The following ZNF835 variants were observed in gnomAD, a reference collection of about 807,000 sequenced individuals.
ZNF835 encodes zinc finger protein 835.
For synonymous variants in ZNF835, 323 were observed against 324.7 expected, an observed-to-expected ratio of 0.99 and a Z score of 0.06; for missense variants, 783 against 758.4, an observed-to-expected ratio of 1.03 and a Z score of -0.38.
chr19:56,664,670 G>A lies in ZNF835; in HGVS notation c.529C>T (p.Gln177Ter), dbSNP rs1337645295. The change falls in exon 2 of 2, where the codon CAG (glutamine) becomes TAG (stop). Residue 177 changes from glutamine (Q) to a stop codon, truncating the protein, a stop_gained. Transcript: ENST00000537055. LOFTEE classifies it low-confidence loss of function (END_TRUNC). ...ACHECGKAFS[Q>*]GSYLASHWRT... ...CAGTGGGACGCCAGGTACGAGCCCT[G>A]GCTGAAGGCCTTGCCGCACTCGTGG... is the stretch of plus-strand genomic sequence containing the variant. The A allele has an allele frequency of 1.9e-6, 3 of 1,611,598 alleles. No homozygotes were observed. In the Middle Eastern group the frequency reaches 5.0e-4, roughly 266 times the overall value.
chr19:56,667,318 G>A (rs914105591), intron 1 of ZNF835, among the ~76,000 whole-genome samples: 2 of 152,214 alleles, frequency 1.3e-5, no homozygotes, highest in Non-Finnish European at 2.9e-5. Flanking sequence ...TGACCTCCTG[G>A]TGCTGAGAGA....
rs533221329 is a variant in ZNF835 at position 56,664,960 on chromosome 19, G to C, written c.239C>G (p.Ser80Cys). The C allele has an allele frequency of 1.2e-6, 2 of 1,614,050 alleles. No individual in the cohort carries two copies. The highest frequency in any genetic ancestry group is 1.1e-5 in the South Asian group (1 of 91,092). Residue 80 changes from serine (S) to cysteine (C), a missense_variant, in exon 2 of 2, where the codon TCC becomes TGC. Physicochemically the swap from Ser to Cys is moderately radical, Grantham distance 112. Transcript: ENST00000537055. ...CTCCCCAGGCGCGCTGCACCTCCGG[G>C]AACTGCTGTCGTCGGGGACACTGGC... ...TQASVPDDSS[S>C]RRCSAPGESP...
intron 1 of ZNF835, among the ~76,000 whole-genome samples, chr19:56,665,662 G>T (rs1288290076): frequency 6.6e-6 from 1 of 152,172 alleles, no homozygotes; most frequent in Non-Finnish European, 1.5e-5. Flanking sequence ...AATTAGCCAG[G>T]CATGATGTTG....
intron 1 of ZNF835, chr19:56,665,446 C>T (rs1252731984): frequency 2.7e-6 from 2 of 731,966 alleles, no homozygotes; most frequent in Admixed American, 1.7e-5. Context: ...GGTCTCTCCA[C>T]ACTGGCTGCC....
rs1165749201 is a variant in ZNF835 at position 56,665,044 on chromosome 19, T to C, written c.155A>G (p.Gln52Arg). Residue 52 changes from glutamine (Q) to arginine (R), a missense_variant, in exon 2 of 2, where the codon CAG becomes CGG. Transcript: ENST00000537055. Reference sequence around the variant, plus strand: ...GATTCGGCTGAATTCATCGCGTTCCTGCATGCTGTCCCCAGCAGGGTCTCC... The same window carrying C: ...GATTCGGCTGAATTCATCGCGTTCCCGCATGCTGTCCCCAGCAGGGTCTCC... Reference protein sequence around the residue: ...CKGDPAGDSMQERDEFSRIPR... With the variant: ...CKGDPAGDSMRERDEFSRIPR... 1 of 1,614,032 alleles carries C rather than the reference T, an allele frequency of 6.2e-7. No homozygotes were observed. Among genetic ancestry groups the C allele is most frequent in the Non-Finnish European group, 8.5e-7 (1 of 1,179,890 alleles).
chr19:56,668,702 C>T (rs8109563), intron 1 of ZNF835, among the ~76,000 whole-genome samples: 8,819 of 148,618 alleles, frequency 0.059, 837 homozygotes, highest in African/African-American at 0.2. Context: ...ACAAGGGTGG[C>T]AGAGGAAAGG....
intron 1 of ZNF835, 28 bp from the exon 2 acceptor site, chr19:56,665,273 T>A: frequency 2.5e-6 from 4 of 1,573,178 alleles, no homozygotes; most frequent in Non-Finnish European, 3.5e-6. Context: ...GAAAAAAAAA[T>A]TAAATGTTGC....
Position 56,663,297 on chromosome 19 carries a change from T to C in ZNF835, c.*288A>G. ...TCGCTCCACTGCACTCTAGCCTGGGTGACAGAGAGAGACACTGTCTCAAAG... is the reference window on the plus strand; with the variant it reads ...TCGCTCCACTGCACTCTAGCCTGGGCGACAGAGAGAGACACTGTCTCAAAG... On this transcript the variant is annotated 3_prime_UTR_variant, in exon 2 of 2. Transcript: ENST00000537055. 4.3e-6 allele frequency: 2 copies of C among 469,372 alleles called. No individual in the cohort carries two copies. 29.1% of individuals were successfully genotyped at this position (469,372 alleles called of 1,614,324 possible). A position where few individuals can be genotyped will look rare whatever the true frequency, so the allele number is the denominator to read the frequency against.
Position 56,662,311 on chromosome 19 carries a change from C to A in ZNF835, c.*1274G>T, listed in dbSNP as rs77531613. The stretch of plus-strand genomic sequence containing the variant: ...AGGTCCAGACCAAGCCTGGTCCAGA[C>A]CAACAGAACCAGCAGCTGACCTCCA... On this transcript the variant is annotated 3_prime_UTR_variant, in exon 2 of 2. Transcript: ENST00000537055. 1.4e-4 allele frequency: 21 copies of A among 152,298 alleles called. No homozygotes were observed. Among genetic ancestry groups the A allele is most frequent in the African/African-American group, 5.1e-4 (21 of 41,554 alleles). 9.4% of individuals were successfully genotyped at this position (152,298 alleles called of 1,614,324 possible). A position where few individuals can be genotyped will look rare whatever the true frequency, so the allele number is the denominator to read the frequency against.
chr19:56,665,300 G>C (rs2148055145), intron 1 of ZNF835, 55 bp from the exon 2 acceptor site: 1 of 1,490,316 alleles, frequency 6.7e-7, no homozygotes, highest in Middle Eastern at 1.7e-4. Context: ...TCCTGAGCTG[G>C]AAAAATGGCT....
chr19:56,666,033 A>T (rs1233704790), intron 1 of ZNF835, among the ~76,000 whole-genome samples: 1 of 151,602 alleles, frequency 6.6e-6, no homozygotes, highest in Non-Finnish European at 1.5e-5. Context: ...CTAACTCCCA[A>T]GGTGATGCTT....
rs1441603037 is a variant in ZNF835, at chr19:56,664,222, C to T, written c.977G>A (p.Arg326His). 3.1e-6 allele frequency: 5 copies of T among 1,603,590 alleles called. No individual in the cohort carries two copies. The highest frequency in any genetic ancestry group is 2.3e-5 in the East Asian group (1 of 44,444). The change falls in exon 2 of 2, where the codon CGC becomes CAC. Residue 326 changes from arginine (R) to histidine (H), a missense_variant. By Grantham distance (29) the Arg-to-His change is conservative. Coordinates refer to ENST00000537055, the MANE Select transcript of ZNF835 (RefSeq NM_001005850.3). ...GTAGGGCTTCTCGCCTGTGTGGATGCGCCGGTGCTCGGCCAGAGAGGCGCT... is the reference window on the plus strand; with the variant it reads ...GTAGGGCTTCTCGCCTGTGTGGATGTGCCGGTGCTCGGCCAGAGAGGCGCT... ...SQSASLAEHR[R>H]IHTGEKPYAC...
At chr19:56,668,171 G>A (rs919011410) in intron 1 of ZNF835, among the ~76,000 whole-genome samples, 3 of 151,754 alleles carry the variant, frequency 2.0e-5, no homozygotes, top group Admixed American at 6.6e-5. Flanking sequence ...CTAATTTTTT[G>A]TATTTAGTAG....
rs34647340 is a variant in ZNF835 at position 56,663,162 on chromosome 19, G to GAAAA, written c.*419_*422dup. On this transcript the variant is annotated 3_prime_UTR_variant, in exon 2 of 2. Coordinates refer to ENST00000537055, the MANE Select transcript of ZNF835 (RefSeq NM_001005850.3). ...GGCGACAGAGCAAGACTCCGTCTCA[G>GAAAA]AAAAAAAAAAAAAAAAAAATTAGCC... The GAAAA allele has an allele frequency of 1.0e-3, 127 of 123,280 alleles. 1 individual carries two copies. Among genetic ancestry groups the GAAAA allele is most frequent in the African/African-American group, 2.8e-3 (78 of 27,846 alleles). The allele number at this position is 123,280 out of a possible 1,614,324, so 7.6% of individuals were successfully genotyped here.
Position 56,664,815 on chromosome 19 carries a change from G to T in ZNF835, c.384C>A (p.His128Gln). Residue 128 changes from histidine (H) to glutamine (Q), a missense_variant, in exon 2 of 2, where the codon CAC (histidine) becomes CAA (glutamine). Transcript: ENST00000537055. ...AFSYCSAFIL[H>Q]QRIHTGEKPF... is the part of the protein sequence containing the mutation. ...GCTTCTCCCCGGTGTGGATTCTCTG[G>T]TGTAAGATGAACGCTGAACAGTAGC... 1.2e-6 allele frequency: 2 copies of T among 1,611,392 alleles called. No homozygotes were observed. Among genetic ancestry groups the T allele is most frequent in the Non-Finnish European group, 1.7e-6 (2 of 1,177,820 alleles).
intron 1 of ZNF835, among the ~76,000 whole-genome samples, chr19:56,671,097 C>CCTG: frequency 6.9e-6 from 1 of 145,764 alleles, no homozygotes; most frequent in East Asian, 2.1e-4. Flanking sequence ...ACCTGCAAGG[C>CCTG]CTGGCACCGC....
rs1451101079 is a variant in ZNF835 at position 56,664,071 on chromosome 19, G to A, written c.1128C>T (p.His376=). The A allele has an allele frequency of 1.2e-6, 2 of 1,610,966 alleles. No homozygotes were observed. Among genetic ancestry groups the A allele is most frequent in the Admixed American group, 1.7e-5 (1 of 59,790 alleles). The change falls in exon 2 of 2, where the codon CAC becomes CAT. Residue 376 remains histidine, a synonymous_variant. Coordinates refer to ENST00000537055, the MANE Select transcript of ZNF835 (RefSeq NM_001005850.3). ...TGTGCACGAGGCGGTGCTGGAGGAG[G>A]TGGGAGCGGTTGCTGAAGCGCTTGC... ...DCGKRFSNRS[H]LLQHRLVHTG...
Position 56,664,126 on chromosome 19 carries a change from C to T in ZNF835, c.1073G>A (p.Gly358Glu). The T allele has an allele frequency of 6.2e-7, 1 of 1,610,876 alleles. No individual in the cohort carries two copies. The highest frequency in any genetic ancestry group is 8.5e-7 in the Non-Finnish European group (1 of 1,179,224). The change falls in exon 2 of 2, where the codon GGA (glycine) becomes GAA (glutamate). Residue 358 changes from glycine to glutamate, a missense_variant. By Grantham distance (98) the Gly-to-Glu change is moderately conservative. Transcript: ENST00000537055. ...GTCGTGGCAGGGGTAAGGCCGCTCT[C>T]CGGTGTGCGTGCGCTGGTGCTGCGT... is the stretch of plus-strand genomic sequence containing the variant. Reference protein sequence around the residue: ...HLTQHQRTHTGERPYPCHDCG... With the variant: ...HLTQHQRTHTEERPYPCHDCG...
Position 56,663,959 on chromosome 19 carries a change from C to T in ZNF835, c.1240G>A (p.Gly414Arg), listed in dbSNP as rs375406315. Residue 414 changes from glycine (G) to arginine (R), a missense_variant, in exon 2 of 2, where the codon GGA becomes AGA. Physicochemically the swap from Gly to Arg is moderately radical, Grantham distance 125. Coordinates refer to ENST00000537055, the MANE Select transcript of ZNF835 (RefSeq NM_001005850.3). ...TCGCCGCACTTGTAGGGCCGCTCTC[C>T]GGTGTGGATCTTCTGGTGCTCTATA... ...SLIEHQKIHT[G>R]ERPYKCGECG... 1.0e-4 allele frequency: 167 copies of T among 1,613,054 alleles called. No individual in the cohort carries two copies. In the African/African-American group the frequency reaches 2.0e-3, roughly 19 times the overall value.
Sources: gnomAD v4.1 joint callset for allele counts (sites outside exome capture counted in the v4.1 genomes callset) on GRCh38, gnomAD v4.1.1 for gene constraint, MANE v1.5 for transcripts, NCBI Gene and HGNC (gene_info 2026-07-23, HGNC 2026-07-21) for gene names.